CAP2: variants seen among roughly 807,000 people sequenced by gnomAD.
CAP2 encodes adenylyl cyclase-associated protein 2.
CAP2 carries 24 observed loss-of-function variants against 57.7 expected under a neutral mutation model. That is an observed-to-expected ratio of 0.42 (90% confidence interval 0.30 to 0.58). The LOEUF (loss-of-function observed/expected upper bound fraction) is 0.58. Ranked by LOEUF, CAP2 falls within the 20% of genes least tolerant of loss-of-function variation. The pLI, the probability that CAP2 is intolerant of heterozygous loss-of-function variation, is 0.22. For synonymous variants in CAP2, 194 were observed against 207.2 expected (o/e 0.94, Z 0.55); for missense variants, 501 against 590.3 (o/e 0.85, Z 1.57).
intron 3 of CAP2, among the ~76,000 whole-genome samples, chr6:17,436,294 T>A (rs1373338089): frequency 6.6e-6 from 1 of 151,954 alleles, no homozygotes; most frequent in Admixed American, 6.6e-5. Context: ...AGCTAATTTG[T>A]TTTTTCTTTT....
rs561711583 is a variant in CAP2, at chr6:17,430,167, A to G, written c.222+3477A>G. ...GCTGGTTGGGCTTAATTTACTGAAC[A>G]CTCAATAGCCTATTGACAGAACAGA... On this transcript the variant is annotated intron_variant, in intron 3 of 12. Coordinates refer to ENST00000229922, the MANE Select transcript of CAP2 (RefSeq NM_006366.3). Among the ~76,000 whole-genome samples, 15 of 152,280 alleles carry G rather than the reference A, an allele frequency of 9.9e-5. No individual in the cohort carries two copies. The South Asian group carries it at 2.9e-3, about 29-fold the overall frequency.
chr6:17,494,547 G>A (rs7746625), intron 4 of CAP2, among the ~76,000 whole-genome samples: 80,822 of 151,926 alleles, frequency 0.53, 21,723 homozygotes, highest in Admixed American at 0.61. Flanking sequence ...CCTATTTTAA[G>A]TGGGAACCCA....
intron 7 of CAP2, among the ~76,000 whole-genome samples, chr6:17,533,236 T>C (rs1218338308): frequency 1.3e-5 from 2 of 152,072 alleles, no homozygotes; most frequent in African/African-American, 2.4e-5. Flanking sequence ...TACTTATATA[T>C]AGTATATGTA....
intron 11 of CAP2, among the ~76,000 whole-genome samples, chr6:17,545,870 A>G (rs1191921955): frequency 2.0e-5 from 3 of 152,108 alleles, no homozygotes; most frequent in Admixed American, 6.5e-5. Context: ...AAGGACATGA[A>G]CTCATCCTTT....
At chr6:17,467,228 C>G (rs1333571233) in intron 4 of CAP2, among the ~76,000 whole-genome samples, 1 of 152,176 alleles carries the variant, frequency 6.6e-6, no homozygotes, top group Non-Finnish European at 1.5e-5. Context: ...GAATTCTGAT[C>G]TACAGAAACT....
chr6:17,422,904 C>T (rs1256212763), intron 2 of CAP2, among the ~76,000 whole-genome samples: 1 of 152,018 alleles, frequency 6.6e-6, no homozygotes, highest in Non-Finnish European at 1.5e-5. Context: ...AGATAAAGAA[C>T]ACTTTTTTGG....
At chr6:17,435,709 T>C (rs1477977369) in intron 3 of CAP2, among the ~76,000 whole-genome samples, 2 of 135,624 alleles carry the variant, frequency 1.5e-5, no homozygotes, top group Middle Eastern at 3.4e-3. Flanking sequence ...AAAAAAGAAG[T>C]TTACGGATAA....
chr6:17,423,915 T>C (rs1357992233), intron 2 of CAP2, among the ~76,000 whole-genome samples: 3 of 152,194 alleles, frequency 2.0e-5, no homozygotes, highest in Non-Finnish European at 4.4e-5. Flanking sequence ...CTGAATGATA[T>C]CCATCCTTAA....
chr6:17,424,917 T>C (rs1759548483), intron 2 of CAP2, among the ~76,000 whole-genome samples: 1 of 152,246 alleles, frequency 6.6e-6, no homozygotes, highest in Non-Finnish European at 1.5e-5. Context: ...CAAACAGGTT[T>C]ATCTGTCTCC....
At chr6:17,525,929 C>T (rs1245305629) in intron 7 of CAP2, among the ~76,000 whole-genome samples, 1 of 152,124 alleles carries the variant, frequency 6.6e-6, no homozygotes, top group African/African-American at 2.4e-5. Context: ...GGCTCCATTT[C>T]CAGTTCAGCC....
rs571166789 is a variant in CAP2, at chr6:17,488,558, T to A, written c.301-18611T>A. Among the ~76,000 whole-genome samples the A allele has an allele frequency of 2.9e-4, 44 of 151,632 alleles. 1 individual carries two copies. In the South Asian group the frequency reaches 4.6e-3, roughly 16 times the overall value. Reference sequence around the variant, plus strand: ...TTCAGTGAATTTCACATCTTGGTTTTAAAAAAAAACACACTCATATCACAA... The same window carrying A: ...TTCAGTGAATTTCACATCTTGGTTTAAAAAAAAAACACACTCATATCACAA... On this transcript the variant is annotated intron_variant, in intron 4 of 12. Coordinates refer to ENST00000229922, the MANE Select transcript of CAP2 (RefSeq NM_006366.3).
chr6:17,547,116 A>G lies in CAP2; in HGVS notation c.1209+3973A>G, dbSNP rs563771256. Among the ~76,000 whole-genome samples the G allele has an allele frequency of 2.1e-4, 32 of 152,330 alleles. No homozygotes were observed. The East Asian group carries it at 5.8e-3, about 28-fold the overall frequency. On this transcript the variant is annotated intron_variant, in intron 11 of 12. Coordinates refer to ENST00000229922, the MANE Select transcript of CAP2 (RefSeq NM_006366.3). ...AGAGAATAAAATACCTAGGAATCCA[A>G]CTTACAAAGGATGTGAAGGACCTCT...
At chr6:17,517,428 C>G (rs1054604847) in intron 7 of CAP2, among the ~76,000 whole-genome samples, 25 of 152,308 alleles carry the variant, frequency 1.6e-4, no homozygotes, top group African/African-American at 5.8e-4. Flanking sequence ...ATGTAGTTGT[C>G]TTCCTTTGTT....
At chr6:17,487,391 C>G (rs2113630410) in intron 4 of CAP2, among the ~76,000 whole-genome samples, 1 of 152,124 alleles carries the variant, frequency 6.6e-6, no homozygotes, top group Non-Finnish European at 1.5e-5. Flanking sequence ...CCTCTCAGAG[C>G]TCCCCAAGAG....
intron 4 of CAP2, among the ~76,000 whole-genome samples, chr6:17,506,537 G>A (rs906808600): frequency 4.6e-5 from 7 of 152,070 alleles, no homozygotes; most frequent in Non-Finnish European, 5.9e-5. Context: ...CTACTCAGGA[G>A]GCTGAGGCAG....
chr6:17,492,174 A>G (rs1761559055), intron 4 of CAP2, among the ~76,000 whole-genome samples: 1 of 152,252 alleles, frequency 6.6e-6, no homozygotes, highest in Non-Finnish European at 1.5e-5. Context: ...GAAATCTTCT[A>G]TAATCAACCA....
chr6:17,496,864 A>G (rs1761683328), intron 4 of CAP2, among the ~76,000 whole-genome samples: 1 of 152,184 alleles, frequency 6.6e-6, no homozygotes, highest in Non-Finnish European at 1.5e-5. Context: ...TTCTACATAA[A>G]TGAATCTCAG....
chr6:17,451,566 G>A (rs922568317), intron 3 of CAP2, among the ~76,000 whole-genome samples: 5 of 151,942 alleles, frequency 3.3e-5, no homozygotes, highest in Non-Finnish European at 7.4e-5. Context: ...CTGGAGTGCA[G>A]TGGTGTGATC....
At chr6:17,445,149 C>G (rs190966321) in intron 3 of CAP2, among the ~76,000 whole-genome samples, 1 of 152,312 alleles carries the variant, frequency 6.6e-6, no homozygotes, top group East Asian at 1.9e-4. Context: ...CTCCGCCACC[C>G]AGGCTGGAGT....
Sources: allele counts gnomAD v4.1 joint callset (sites outside exome capture counted in the v4.1 genomes callset), GRCh38; gene constraint gnomAD v4.1.1; transcripts MANE v1.5; gene names NCBI Gene and HGNC (gene_info 2026-07-23, HGNC 2026-07-21).